TRIM61: variants seen among roughly 807,000 people sequenced by gnomAD.
TRIM61 encodes the protein putative tripartite motif-containing protein 61.
A neutral mutation model predicts 14.2 loss-of-function variants in TRIM61; 1 was observed. The ratio of observed to expected loss-of-function variants is 0.07; its 90% CI spans 0.03 to 0.33. The LOEUF is 0.33. TRIM61 is among the 10% of genes least tolerant of loss of function. The probability of loss-of-function intolerance (pLI) is 0.99; values close to 1 mark genes in which losing one functional copy is unlikely to be tolerated. For missense variants in TRIM61, 19 were observed against 202.2 expected (o/e 0.09, Z 5.49); for synonymous variants, 8 against 71.6 (o/e 0.11, Z 4.49).
chr4:164,961,800 A>C (rs1323468850), intron 3 of TRIM61, among the ~76,000 whole-genome samples: 2 of 152,222 alleles, frequency 1.3e-5, no homozygotes, highest in Non-Finnish European at 2.9e-5. Context: ...TCCAAGTAAA[A>C]AAATACATGA....
chr4:164,957,453 G>T lies in TRIM61; in HGVS notation c.526-2357C>A, dbSNP rs773597631. On this transcript the variant is annotated intron_variant, in intron 3 of 4. Coordinates refer to ENST00000329314, the MANE Select transcript of TRIM61 (RefSeq NM_001012414.3). ...TTTGTGACAAGGACTAGAGGGTTTG[G>T]GTCTGCAGTGGGCTGGCTCCCGCTG... is the stretch of plus-strand genomic sequence containing the variant. The T allele has an allele frequency of 7.4e-6, 12 of 1,613,690 alleles. No individual in the cohort carries two copies. In the Admixed American group the frequency reaches 2.0e-4, roughly 27 times the overall value.
intron 3 of TRIM61, among the ~76,000 whole-genome samples, chr4:164,959,324 T>TA (rs1449894687): frequency 6.6e-6 from 1 of 152,096 alleles, no homozygotes; most frequent in African/African-American, 2.4e-5. Context: ...ATGTTTCCCT[T>TA]ACCCTAAGAA....
At chr4:164,965,444 T>C (rs1732217793) in intron 3 of TRIM61, among the ~76,000 whole-genome samples, 1 of 137,626 alleles carries the variant, frequency 7.3e-6, no homozygotes, top group Admixed American at 8.0e-5. Flanking sequence ...ATTCTGCCTA[T>C]GCTTTTTTTT....
chr4:164,968,095 T>G, intron 3 of TRIM61, 186 bp downstream of exon 3: 2 of 890,740 alleles, frequency 2.2e-6, no homozygotes, highest in Non-Finnish European at 2.7e-6. Context: ...GAGGTTGCAG[T>G]GAGCCGAGAT....
intron 3 of TRIM61, among the ~76,000 whole-genome samples, chr4:164,967,031 A>G (rs550785751): frequency 1.3e-5 from 2 of 152,356 alleles, no homozygotes; most frequent in South Asian, 2.1e-4. Context: ...GGAAACTCCA[A>G]TGGAATCTAA....
chr4:164,967,495 G>A (rs1410435386), intron 3 of TRIM61, among the ~76,000 whole-genome samples: 2 of 152,160 alleles, frequency 1.3e-5, no homozygotes, highest in Non-Finnish European at 2.9e-5. Flanking sequence ...GTGAAGTGAA[G>A]GACAGTAGCT....
At chr4:164,956,112 C>G (rs1432291057) in intron 3 of TRIM61, among the ~76,000 whole-genome samples, 2 of 152,242 alleles carry the variant, frequency 1.3e-5, no homozygotes, top group African/African-American at 4.8e-5. Flanking sequence ...GTCGTCCAGA[C>G]TGAGGTGCAG....
At chr4:164,965,212 C>T (rs191541911) in intron 3 of TRIM61, among the ~76,000 whole-genome samples, 11 of 152,106 alleles carry the variant, frequency 7.2e-5, no homozygotes, top group African/African-American at 2.2e-4. Context: ...CGCTTGAATC[C>T]GGGAGAGGGA....
chr4:164,969,176 C>T (rs1732304270), intron 3 of TRIM61: 1 of 1,205,494 alleles, frequency 8.3e-7, no homozygotes, highest in Non-Finnish European at 1.0e-6. Flanking sequence ...CAGATGGTAA[C>T]CATATTTTTT....
intron 3 of TRIM61, among the ~76,000 whole-genome samples, chr4:164,963,486 C>A (rs1439447461): frequency 6.6e-6 from 1 of 152,138 alleles, no homozygotes; most frequent in African/African-American, 2.4e-5. Flanking sequence ...CACGGTGGCT[C>A]ACGCCTGTAA....
At chr4:164,962,499 TC>T (rs983083947) in intron 3 of TRIM61, among the ~76,000 whole-genome samples, 14 of 151,936 alleles carry the variant, frequency 9.2e-5, no homozygotes, top group African/African-American at 3.4e-4. Context: ...CACCTCGGCC[TC>T]CCAAAGTGCT....
intron 3 of TRIM61, among the ~76,000 whole-genome samples, chr4:164,961,256 G>C (rs1453290406): frequency 2.1e-5 from 3 of 144,886 alleles, no homozygotes; most frequent in Non-Finnish European, 4.5e-5. Context: ...ACAACATGCA[G>C]AGTCAGATAG....
rs200503756 is a variant in TRIM61, at chr4:164,957,406, C to T, written c.526-2310G>A. 6.8e-6 allele frequency: 11 copies of T among 1,614,026 alleles called. No individual in the cohort carries two copies. In the East Asian group the frequency reaches 2.5e-4, roughly 36 times the overall value. On this transcript the variant is annotated intron_variant, in intron 3 of 4. Coordinates refer to ENST00000329314, the MANE Select transcript of TRIM61 (RefSeq NM_001012414.3). ...CACCAGGAAAAGTCAGGAAGAGAAC[C>T]ACCATCAGGTCCCAGCCTCTTTTTG... is the stretch of plus-strand genomic sequence containing the variant.
At chr4:164,974,014 A>T (rs1171588126) in intron 2 of TRIM61, among the ~76,000 whole-genome samples, 1 of 152,230 alleles carries the variant, frequency 6.6e-6, no homozygotes, top group Non-Finnish European at 1.5e-5. Context: ...TCCTGAAAAT[A>T]CAAAAATTAG....
At chr4:164,976,575 G>T (rs1732489063) in intron 2 of TRIM61, 113 bp downstream of exon 2, 1 of 152,186 alleles carries the variant, frequency 6.6e-6, no homozygotes, top group Non-Finnish European at 1.5e-5. Context: ...TCCAATTTCT[G>T]AAGTCTGTAG....
chr4:164,968,982 C>G (rs1455295045), intron 3 of TRIM61: 1 of 1,027,424 alleles, frequency 9.7e-7, no homozygotes, highest in South Asian at 3.7e-5. Flanking sequence ...CCCTTAGAAC[C>G]CAGAACAGCT....
At chr4:164,961,353 A>G (rs1023587080) in intron 3 of TRIM61, among the ~76,000 whole-genome samples, 2 of 151,830 alleles carry the variant, frequency 1.3e-5, no homozygotes, top group African/African-American at 2.4e-5. Context: ...GATGCCTTCA[A>G]TGGGCTCATT....
intron 3 of TRIM61, among the ~76,000 whole-genome samples, chr4:164,965,997 G>C (rs1732231502): frequency 6.6e-6 from 1 of 152,126 alleles, no homozygotes; most frequent in African/African-American, 2.4e-5. Context: ...CATAAAGACA[G>C]GTAAAACAAT....
At chr4:164,962,062 TTTA>T (rs540468514) in intron 3 of TRIM61, among the ~76,000 whole-genome samples, 236 of 152,218 alleles carry the variant, frequency 1.6e-3, no homozygotes, top group Non-Finnish European at 2.7e-3. Flanking sequence ...TAAAAATAGT[TTTA>T]TTATCTTATA....
Sources: gnomAD v4.1 joint callset for allele counts (sites outside exome capture counted in the v4.1 genomes callset) on GRCh38, gnomAD v4.1.1 for gene constraint, MANE v1.5 for transcripts, NCBI Gene and HGNC (gene_info 2026-07-23, HGNC 2026-07-21) for gene names.